The following ARL15 variants were observed in gnomAD, a reference collection of about 807,000 sequenced individuals.
The protein encoded by ARL15 is ARF like GTPase 15, also known as ADP-ribosylation factor-like protein 15.
In ARL15, 19 loss-of-function variants were observed where a neutral mutation model predicts 25.2. That is an observed-to-expected ratio of 0.75 (90% CI 0.53 to 1.10). The LOEUF is 1.10. Among genes scored for constraint, ARL15 ranks in the 50% least tolerant of loss-of-function variants. The pLI is 0.00. For synonymous variants in ARL15, 94 were observed against 86.8 expected (o/e 1.08, Z -0.46); for missense variants, 220 against 246.0 (o/e 0.89, Z 0.71).
intron 2 of ARL15, among the ~76,000 whole-genome samples, chr5:54,170,882 A>G (rs910360784): frequency 1.3e-5 from 2 of 152,150 alleles, no homozygotes; most frequent in African/African-American, 4.8e-5. Context: ...GGTGCTCAAA[A>G]TAAGCTGGCT....
intron 4 of ARL15, among the ~76,000 whole-genome samples, chr5:53,974,101 C>T (rs1747848257): frequency 6.6e-6 from 1 of 152,146 alleles, no homozygotes. Flanking sequence ...AGAAACAAAT[C>T]CCATGTTAAC....
At chr5:54,021,250 G>A (rs528710863) in intron 4 of ARL15, among the ~76,000 whole-genome samples, 12 of 152,250 alleles carry the variant, frequency 7.9e-5, no homozygotes, top group East Asian at 3.9e-4. Flanking sequence ...CAGGAGAACC[G>A]CTTGAACCCG....
At chr5:54,187,824 T>C (rs974519184) in intron 1 of ARL15, among the ~76,000 whole-genome samples, 1 of 152,212 alleles carries the variant, frequency 6.6e-6, no homozygotes, top group African/African-American at 2.4e-5. Context: ...TCACCTTCAA[T>C]GTCTTATGGG....
chr5:53,903,050 G>A (rs533730591), intron 4 of ARL15, among the ~76,000 whole-genome samples: 101 of 152,282 alleles, frequency 6.6e-4, no homozygotes, highest in Non-Finnish European at 1.3e-3. Flanking sequence ...TATGAGCTTG[G>A]AAAGAGGCTT....
intron 2 of ARL15, among the ~76,000 whole-genome samples, chr5:54,170,328 C>T (rs895944717): frequency 1.3e-5 from 2 of 152,176 alleles, no homozygotes; most frequent in Non-Finnish European, 2.9e-5. Context: ...CCTCCAACTG[C>T]GCTACTCACA....
At chr5:54,189,279 A>G (rs2112452203) in intron 1 of ARL15, among the ~76,000 whole-genome samples, 1 of 152,278 alleles carries the variant, frequency 6.6e-6, no homozygotes, top group Non-Finnish European at 1.5e-5. Context: ...AAATCTAAAT[A>G]ATTTTTTTAT....
At chr5:54,201,005 C>T (rs1365931436) in intron 1 of ARL15, among the ~76,000 whole-genome samples, 3 of 151,928 alleles carry the variant, frequency 2.0e-5, no homozygotes, top group African/African-American at 7.3e-5. Flanking sequence ...ACAACACCTA[C>T]GCCCTTTGTC....
chr5:54,235,536 A>C (rs1756779142), intron 1 of ARL15, among the ~76,000 whole-genome samples: 2 of 151,726 alleles, frequency 1.3e-5, no homozygotes, highest in South Asian at 4.2e-4. Flanking sequence ...CTGTCACCCA[A>C]GCTGTAGTAC....
chr5:54,215,476 C>G (rs1561269991), intron 1 of ARL15, among the ~76,000 whole-genome samples: 8 of 152,142 alleles, frequency 5.3e-5, no homozygotes, highest in African/African-American at 7.2e-5. Context: ...GACCCAGCGC[C>G]ATTCACACAT....
In ARL15 at chr5:53,977,670, C is replaced by A. The variant is rs116813607; in HGVS notation, c.463-90957G>T. Among the ~76,000 whole-genome samples, 396 of 152,252 alleles carry A rather than the reference C, an allele frequency of 2.6e-3. 2 individuals are homozygous for A. Among genetic ancestry groups the A allele is most frequent in the African/African-American group, 9.1e-3 (379 of 41,514 alleles). ...GATATCATATTTTGAAAGATACCAG[C>A]ACAAAATGTAAGTATTTCAAACCAA... On this transcript the variant is annotated intron_variant, in intron 4 of 4. Coordinates refer to ENST00000504924, the MANE Select transcript of ARL15 (RefSeq NM_019087.3).
intron 4 of ARL15, among the ~76,000 whole-genome samples, chr5:53,900,021 T>G (rs1443806350): frequency 6.6e-6 from 1 of 152,218 alleles, no homozygotes; most frequent in Non-Finnish European, 1.5e-5. Context: ...CAGCAATCCC[T>G]TCTAGTACGA....
intron 4 of ARL15, among the ~76,000 whole-genome samples, chr5:53,986,156 C>T (rs527828090): frequency 2.0e-5 from 3 of 152,172 alleles, no homozygotes; most frequent in East Asian, 3.8e-4. Context: ...TACCTTCTTT[C>T]GGCCCTGACT....
chr5:54,275,024 A>G (rs1479324422), intron 1 of ARL15, among the ~76,000 whole-genome samples: 1 of 152,238 alleles, frequency 6.6e-6, no homozygotes, highest in Non-Finnish European at 1.5e-5. Context: ...TACATAAACT[A>G]TATTGATATC....
intron 4 of ARL15, among the ~76,000 whole-genome samples, chr5:54,111,520 ATACAT>A (rs1752739990): frequency 1.3e-5 from 2 of 152,114 alleles, no homozygotes; most frequent in African/African-American, 4.8e-5. Flanking sequence ...AGGTTTAAAG[ATACAT>A]TACTTTCAAT....
intron 4 of ARL15, among the ~76,000 whole-genome samples, chr5:53,932,897 A>G (rs1250625809): frequency 6.6e-6 from 1 of 152,230 alleles, no homozygotes; most frequent in East Asian, 1.9e-4. Flanking sequence ...GGACAATTAA[A>G]GCCCCAATAA....
intron 4 of ARL15, among the ~76,000 whole-genome samples, chr5:53,943,916 T>C (rs1282871487): frequency 6.6e-6 from 1 of 152,158 alleles, no homozygotes; most frequent in Non-Finnish European, 1.5e-5. Flanking sequence ...AATAGTGCAA[T>C]GGCTTAAAAT....
chr5:54,179,039 G>C (rs540351463), intron 1 of ARL15, among the ~76,000 whole-genome samples: 84 of 152,302 alleles, frequency 5.5e-4, no homozygotes, highest in African/African-American at 2.0e-3. Context: ...TCAATTTAAA[G>C]AGGAGGAAAC....
At chr5:54,012,446 C>T (rs1368619293) in intron 4 of ARL15, among the ~76,000 whole-genome samples, 1 of 152,112 alleles carries the variant, frequency 6.6e-6, no homozygotes, top group Non-Finnish European at 1.5e-5. Context: ...TGATTGAGGA[C>T]TTGCATTATT....
At chr5:54,278,232 T>A (rs1002786576) in intron 1 of ARL15, among the ~76,000 whole-genome samples, 1 of 152,182 alleles carries the variant, frequency 6.6e-6, no homozygotes, top group Non-Finnish European at 1.5e-5. Context: ...CTAAGAGCAT[T>A]CCAAAGCAAT....
Sources: allele counts gnomAD v4.1 joint callset (sites outside exome capture counted in the v4.1 genomes callset), GRCh38; gene constraint gnomAD v4.1.1; transcripts MANE v1.5; gene names NCBI Gene and HGNC (gene_info 2026-07-23, HGNC 2026-07-21).